The following CLPTM1 variants were observed in gnomAD, a reference collection of about 807,000 sequenced individuals.
CLPTM1 encodes the protein putative lipid scramblase CLPTM1.
A neutral mutation model predicts 77.3 loss-of-function variants in CLPTM1; 21 were observed. The ratio of observed to expected loss-of-function variants is 0.27; its 90% CI spans 0.19 to 0.39. CLPTM1 has a LOEUF of 0.39. CLPTM1 is among the 10% of genes least tolerant of loss of function. The probability of loss-of-function intolerance (pLI) is 1.00; values close to 1 mark genes in which losing one functional copy is unlikely to be tolerated. For missense variants in CLPTM1, 642 were observed against 921.2 expected (o/e 0.70, Z 3.92); for synonymous variants, 373 against 381.0 (o/e 0.98, Z 0.24).
chr19:44,991,419 C>G lies in CLPTM1; in HGVS notation c.1555+46C>G. 1 of 1,594,240 alleles carries G rather than the reference C, an allele frequency of 6.3e-7. No homozygotes were observed. Among genetic ancestry groups the G allele is most frequent in the Non-Finnish European group, 8.5e-7 (1 of 1,173,204 alleles). On this transcript the variant is annotated intron_variant, in intron 12 of 13. Transcript: ENST00000337392. This position sits in a 1 kb window ranked among gnomAD's most constrained non-coding sequence, Gnocchi z 5.4. ...AGGAGAGAGCAGGCCCCATGCTGCG[C>G]AGGGCTCACAGCCCCAGTGTAGGAG...
At position 44,993,179 on chromosome 19, in the gene CLPTM1, A is replaced by AG. The variant is rs926281744; in HGVS notation, c.*287dup. 3 of 72,052 alleles carry AG rather than the reference A, an allele frequency of 4.2e-5. No individual in the cohort carries two copies. The highest frequency in any genetic ancestry group is 4.3e-4 in the African/African-American group (1 of 2,310). The allele number at this position is 72,052 out of a possible 1,614,324, so 4.5% of individuals were successfully genotyped here. A position where few individuals can be genotyped will look rare whatever the true frequency, so the allele number is the denominator to read the frequency against. ...TGGTGAAGCTGATGCAGCGTTGCCG[A>AG]GGGGGTGGGTTGGGCGGGGGTGGGG... On this transcript the variant is annotated 3_prime_UTR_variant, in exon 14 of 14. Transcript: ENST00000337392.
At chr19:44,974,845 A>T (rs138879657) in intron 4 of CLPTM1, among the ~76,000 whole-genome samples, 83 of 152,332 alleles carry the variant, frequency 5.4e-4, no homozygotes, top group African/African-American at 1.8e-3. Flanking sequence ...AAGGTTGTGC[A>T]GTCCTCCACT....
chr19:44,964,588 G>C (rs1423431485), intron 2 of CLPTM1, among the ~76,000 whole-genome samples: 1 of 152,054 alleles, frequency 6.6e-6, no homozygotes, highest in Non-Finnish European at 1.5e-5. Context: ...TGGGATTATA[G>C]GCGTGAGCCA....
Position 44,990,205 on chromosome 19 carries a change from C to G in CLPTM1, c.1133-190C>G, listed in dbSNP as rs1432712598. ...GGAGGGCTCCAGGGGTGCCGCCTGT[C>G]TGGTGCTCTGGGGGTCACCCAATGA... On this transcript the variant is annotated intron_variant, in intron 9 of 13. Coordinates refer to ENST00000337392, the MANE Select transcript of CLPTM1 (RefSeq NM_001294.4). This position sits in a 1 kb window ranked among gnomAD's most constrained non-coding sequence, Gnocchi z 4.8. The G allele has an allele frequency of 3.3e-6, 2 of 607,476 alleles. No individual in the cohort carries two copies. Among genetic ancestry groups the G allele is most frequent in the Non-Finnish European group, 5.8e-6 (2 of 346,214 alleles). The allele number at this position is 607,476 out of a possible 1,614,324, so 37.6% of individuals were successfully genotyped here.
chr19:44,960,569 G>C (rs1159925481), intron 1 of CLPTM1, among the ~76,000 whole-genome samples: 2 of 152,206 alleles, frequency 1.3e-5, no homozygotes, highest in Non-Finnish European at 2.9e-5. Flanking sequence ...AAGAGCTCTT[G>C]CTGGTGAAGG....
chr19:44,985,778 T>C (rs1708423896), intron 6 of CLPTM1, among the ~76,000 whole-genome samples: 3 of 151,684 alleles, frequency 2.0e-5, no homozygotes, highest in Admixed American at 2.0e-4. Flanking sequence ...CAGTGGGCAC[T>C]AAGAGACTTC....
chr19:44,954,965 G>T (rs922897917), upstream of CLPTM1: 16 of 1,534,122 alleles, frequency 1.0e-5, no homozygotes, highest in East Asian at 3.4e-4. Context: ...GACGAAAGAG[G>T]GGCGTGGTTC....
chr19:44,986,752 C>T (rs903322433), intron 7 of CLPTM1, 177 bp downstream of exon 7: 10 of 762,524 alleles, frequency 1.3e-5, no homozygotes, highest in African/African-American at 1.1e-4. Flanking sequence ...ACACCACCAC[C>T]CCTGGGGACC....
chr19:44,985,155 G>A, intron 5 of CLPTM1, 63 bp from the exon 6 acceptor site: 1 of 1,217,170 alleles, frequency 8.2e-7, no homozygotes, highest in African/African-American at 1.5e-5. Flanking sequence ...AGGGGTCCGG[G>A]CTCTGGAGGC....
intron 4 of CLPTM1, among the ~76,000 whole-genome samples, chr19:44,976,037 T>C (rs1003005170): frequency 6.6e-6 from 1 of 152,114 alleles, no homozygotes; most frequent in Non-Finnish European, 1.5e-5. Flanking sequence ...TAATTTTTTG[T>C]AGAGATGGGG....
intron 2 of CLPTM1, among the ~76,000 whole-genome samples, chr19:44,966,666 AG>A (rs71173112): frequency 1 from 152,120 of 152,120 alleles, 76,060 homozygotes; most frequent in Non-Finnish European, 1. Context: ...CCTCACAGAC[AG>A]GGAATCTTGA....
intron 2 of CLPTM1, 103 bp from the exon 3 acceptor site, chr19:44,972,984 C>G: frequency 1.3e-6 from 2 of 1,511,442 alleles, no homozygotes; most frequent in Non-Finnish European, 1.8e-6. Flanking sequence ...GTCACTAGCC[C>G]CAGGTCAGGC....
chr19:44,963,339 T>TTTTTGAG lies in CLPTM1; in HGVS notation c.185+1265_185+1271dup, dbSNP rs1244138565. ...TTTTTATTTTATGTATTTTTTTTTT[T>TTTTTGAG]TTTTGAGACGGAGTCTCGCTCTGTC... On this transcript the variant is annotated intron_variant, in intron 2 of 13. Coordinates refer to ENST00000337392, the MANE Select transcript of CLPTM1 (RefSeq NM_001294.4). 7.3e-5 allele frequency among the ~76,000 whole-genome samples: 11 copies of TTTTTGAG among 150,122 alleles called. No homozygotes were observed. The East Asian group carries it at 2.2e-3, about 29-fold the overall frequency.
chr19:44,954,910 G>A, upstream of CLPTM1: 1 of 1,427,344 alleles, frequency 7.0e-7, no homozygotes. Context: ...CTGGGCAAAA[G>A]GCTAGTTCTT....
chr19:44,957,791 C>T (rs572747630), intron 1 of CLPTM1, among the ~76,000 whole-genome samples: 1 of 152,334 alleles, frequency 6.6e-6, no homozygotes. Flanking sequence ...GCCAGGAACT[C>T]GGACACAGAA....
At position 44,970,414 on chromosome 19, in the gene CLPTM1, T is replaced by A. The variant is rs1970699615; in HGVS notation, c.186-2673T>A. On this transcript the variant is annotated intron_variant, in intron 2 of 13. Transcript: ENST00000337392. ...CCTGGGCTAGCATTTTTTTTTTTTT[T>A]TTTGAGACAGGGTCTCACTCTGTTG... Among the ~76,000 whole-genome samples the A allele has an allele frequency of 1.4e-5, 2 of 144,622 alleles. 1 individual carries two copies. Among genetic ancestry groups the A allele is most frequent in the South Asian group, 4.4e-4 (2 of 4,552 alleles). The allele number at this position is 144,622 out of a possible 152,430, so 94.9% of individuals were successfully genotyped here. A position where few individuals can be genotyped will look rare whatever the true frequency, so the allele number is the denominator to read the frequency against.
rs371739870 is a variant in CLPTM1 at position 44,973,114 on chromosome 19, T to C, written c.213T>C (p.Ser71=). Residue 71 remains serine (S), a synonymous_variant, in exon 3 of 14, where the codon AGT becomes AGC. Coordinates refer to ENST00000337392, the MANE Select transcript of CLPTM1 (RefSeq NM_001294.4). Reference sequence around the variant, plus strand: ...TCTTCATCATCTGGGCCATCAGCAGTTGGTTCCGCCGAGGGCCGGCCCCTC... The same window carrying C: ...TCTTCATCATCTGGGCCATCAGCAGCTGGTTCCGCCGAGGGCCGGCCCCTC... The part of the protein sequence containing the change: ...FRIFIIWAIS[S]WFRRGPAPQD... 1.1e-5 allele frequency: 17 copies of C among 1,613,828 alleles called. No homozygotes were observed. In the African/African-American group the frequency reaches 2.0e-4, roughly 19 times the overall value.
At chr19:44,987,929 TCC>T in intron 8 of CLPTM1, 149 bp from the exon 9 acceptor site, 1 of 680,852 alleles carries the variant, frequency 1.5e-6, no homozygotes, top group African/African-American at 1.8e-5. Context: ...CTCCTCTCTC[TCC>T]CCATCTGCCC....
intron 2 of CLPTM1, among the ~76,000 whole-genome samples, chr19:44,965,543 G>T (rs950103484): frequency 1.3e-5 from 2 of 151,818 alleles, no homozygotes. Context: ...GCTGGGCGCG[G>T]TGGCTCACGC....
Sources: gnomAD v4.1 joint callset for allele counts (sites outside exome capture counted in the v4.1 genomes callset) on GRCh38, gnomAD v4.1.1 for gene constraint, Gnocchi (gnomAD v3.1) non-coding constraint, MANE v1.5 for transcripts, NCBI Gene and HGNC (gene_info 2026-07-23, HGNC 2026-07-21) for gene names.